Variants in SEC24D observed in about 807,000 individuals in gnomAD.
SEC24D encodes the protein SEC24 homolog D, COPII component.
SEC24D carries 69 observed loss-of-function variants against 116.9 expected under a neutral mutation model. The observed-to-expected ratio is 0.59, with a 90% confidence interval of 0.49 to 0.72. SEC24D has a LOEUF of 0.72. Ranked by LOEUF, SEC24D falls within the 30% of genes least tolerant of loss-of-function variation. The pLI, the probability that SEC24D is intolerant of heterozygous loss-of-function variation, is 0.00. For missense variants in SEC24D, 1,131 were observed against 1,264.1 expected (o/e 0.89, Z 1.60); for synonymous variants, 405 against 442.8 (o/e 0.91, Z 1.07).
chr4:118,739,415 G>GT (rs548119511), intron 17 of SEC24D, 128 bp from the exon 18 acceptor site: 102 of 781,928 alleles, frequency 1.3e-4, no homozygotes, highest in African/African-American at 6.8e-4. Context: ...TTTTTCCACA[G>GT]TTTTTTTTCT....
chr4:118,755,175 C>T lies in SEC24D; in HGVS notation c.1422-2287G>A, dbSNP rs527242140. ...AGAACTGTCCTAAAATTTTCTTCAA[C>T]GGTGTAACTGCCTTATTAAATCATA... On this transcript the variant is annotated intron_variant, in intron 11 of 22. Transcript: ENST00000280551. 1.3e-4 allele frequency among the ~76,000 whole-genome samples: 20 copies of T among 152,132 alleles called. No homozygotes were observed. In the South Asian group the frequency reaches 1.9e-3, roughly 14 times the overall value.
At chr4:118,747,991 CGTG>C (rs1476668366) in intron 13 of SEC24D, among the ~76,000 whole-genome samples, 1 of 152,138 alleles carries the variant, frequency 6.6e-6, no homozygotes, top group African/African-American at 2.4e-5. Context: ...GTAGGCCGGG[CGTG>C]GTGGCTCAGG....
chr4:118,763,229 T>G (rs1384515518), intron 10 of SEC24D, among the ~76,000 whole-genome samples: 2 of 152,190 alleles, frequency 1.3e-5, no homozygotes, highest in African/African-American at 4.8e-5. Context: ...TGTTCAGATG[T>G]TGCAACATCT....
At chr4:118,755,714 T>TTGCCAATC (rs1727062494) in intron 11 of SEC24D, among the ~76,000 whole-genome samples, 4 of 152,286 alleles carry the variant, frequency 2.6e-5, no homozygotes, top group Non-Finnish European at 5.9e-5. Context: ...GTTTGGCAAG[T>TTGCCAATC]AGATCAAATT....
chr4:118,819,392 G>A (rs1424265868), intron 3 of SEC24D, among the ~76,000 whole-genome samples: 1 of 151,900 alleles, frequency 6.6e-6, no homozygotes, highest in East Asian at 1.9e-4. Flanking sequence ...TTAGCCGGGC[G>A]TGGTGGTGGG....
At chr4:118,727,449 C>T (rs973155058) in intron 22 of SEC24D, among the ~76,000 whole-genome samples, 2 of 152,096 alleles carry the variant, frequency 1.3e-5, no homozygotes, top group African/African-American at 4.8e-5. Flanking sequence ...GGAGGAACTA[C>T]TGAGCACAAG....
chr4:118,744,283 G>A lies in SEC24D; in HGVS notation c.1825-125C>T, dbSNP rs1726386089. ...GGAAAAATAGACATTTTCCCGTTAA[G>A]TGAACTGGGCTGAAGAAACACACTG... is the stretch of plus-strand genomic sequence containing the variant. On this transcript the variant is annotated intron_variant, in intron 14 of 22. Coordinates refer to ENST00000280551, the MANE Select transcript of SEC24D (RefSeq NM_014822.4). The A allele has an allele frequency of 2.3e-5, 23 of 995,832 alleles. No individual in the cohort carries two copies. In the South Asian group the frequency reaches 4.1e-4, roughly 18 times the overall value. The allele number at this position is 995,832 out of a possible 1,614,324, so 61.7% of individuals were successfully genotyped here.
chr4:118,810,663 G>A (rs1049594754), intron 6 of SEC24D, among the ~76,000 whole-genome samples: 3 of 152,200 alleles, frequency 2.0e-5, no homozygotes, highest in Admixed American at 2.0e-4. Context: ...GATTCTGTAG[G>A]TTTGGGCTGA....
intron 1 of SEC24D, among the ~76,000 whole-genome samples, chr4:118,834,147 T>A (rs546403426): frequency 2.6e-5 from 4 of 152,252 alleles, no homozygotes; most frequent in South Asian, 2.1e-4. Context: ...TAGCCTGCAA[T>A]CAGATGTTTT....
intron 11 of SEC24D, among the ~76,000 whole-genome samples, chr4:118,753,210 G>C (rs2110457770): frequency 6.6e-6 from 1 of 152,152 alleles, no homozygotes. Flanking sequence ...AATAAGCTAG[G>C]CTTCTTACAT....
intron 8 of SEC24D, among the ~76,000 whole-genome samples, chr4:118,776,789 G>A (rs558699332): frequency 6.6e-6 from 1 of 152,228 alleles, no homozygotes; most frequent in Admixed American, 6.5e-5. Context: ...CAGGCCACTA[G>A]CAGAAAACAC....
At chr4:118,833,064 T>C (rs968432710) in intron 2 of SEC24D, among the ~76,000 whole-genome samples, 5 of 152,244 alleles carry the variant, frequency 3.3e-5, no homozygotes, top group African/African-American at 1.2e-4. Context: ...TTGCTGATTC[T>C]GCACTATATA....
intron 9 of SEC24D, among the ~76,000 whole-genome samples, chr4:118,767,338 A>C (rs192446553): frequency 8.0e-4 from 122 of 152,346 alleles, no homozygotes; most frequent in African/African-American, 2.7e-3. Flanking sequence ...GGGAGTAGTC[A>C]GCACCCGTGG....
At chr4:118,734,745 A>G (rs1463468881) in intron 19 of SEC24D, among the ~76,000 whole-genome samples, 1 of 152,182 alleles carries the variant, frequency 6.6e-6, no homozygotes, top group African/African-American at 2.4e-5. Context: ...TCAACTTCTA[A>G]TCTCCTTTCA....
intron 2 of SEC24D, among the ~76,000 whole-genome samples, chr4:118,826,467 A>G (rs918544929): frequency 6.6e-6 from 1 of 152,236 alleles, no homozygotes; most frequent in Non-Finnish European, 1.5e-5. Context: ...CTAACAAAGC[A>G]TATGCAACAT....
At chr4:118,744,379 TTG>T in intron 14 of SEC24D, among the ~76,000 whole-genome samples, 1 of 152,178 alleles carries the variant, frequency 6.6e-6, no homozygotes, top group South Asian at 2.1e-4. Context: ...TGTGAAATAA[TTG>T]TGTGTTTAAT....
intron 15 of SEC24D, among the ~76,000 whole-genome samples, chr4:118,741,507 G>A (rs1032407657): frequency 1.3e-5 from 2 of 152,108 alleles, no homozygotes; most frequent in Non-Finnish European, 2.9e-5. Flanking sequence ...TACGATCACC[G>A]TATTTCTGAA....
intron 8 of SEC24D, among the ~76,000 whole-genome samples, chr4:118,768,621 C>G (rs1727756244): frequency 6.6e-6 from 1 of 152,180 alleles, no homozygotes; most frequent in Non-Finnish European, 1.5e-5. Flanking sequence ...TCTCGAACTC[C>G]TGACTGCAGG....
chr4:118,752,740 C>T lies in SEC24D; in HGVS notation c.1570G>A (p.Gly524Ser), dbSNP rs1350118035. The T allele has an allele frequency of 6.2e-7, 1 of 1,609,644 alleles. No individual in the cohort carries two copies. The highest frequency in any genetic ancestry group is 8.5e-7 in the Non-Finnish European group (1 of 1,178,512). The change falls in exon 12 of 23, where the codon GGT (glycine) becomes AGT (serine). Residue 524 changes from glycine (G) to serine (S), a missense_variant. Physicochemically the swap from Gly to Ser is moderately conservative, Grantham distance 56. Transcript: ENST00000280551. Reference sequence around the variant, plus strand: ...GATTCTTGATAGTTGACAAGGAAACCATCCAACAAAGGAACAAAGACTTCT... The same window carrying T: ...GATTCTTGATAGTTGACAAGGAAACTATCCAACAAAGGAACAAAGACTTCT... ...VGEVFVPLLD[G>S]FLVNYQESQS...
Sources: allele counts gnomAD v4.1 joint callset (sites outside exome capture counted in the v4.1 genomes callset), GRCh38; gene constraint gnomAD v4.1.1; transcripts MANE v1.5; gene names NCBI Gene and HGNC (gene_info 2026-07-23, HGNC 2026-07-21).